Variants in TTPAL observed in about 807,000 individuals in gnomAD.
TTPAL encodes the protein alpha tocopherol transfer protein like.
TTPAL carries 21 observed loss-of-function variants against 28.7 expected under a neutral mutation model. That is an observed-to-expected ratio of 0.73 (90% CI 0.52 to 1.06). The LOEUF (loss-of-function observed/expected upper bound fraction) is 1.06, where lower values mean the gene tolerates loss of function less well. Among genes scored for constraint, TTPAL ranks in the 50% least tolerant of loss-of-function variants. The pLI is 0.00. For synonymous variants in TTPAL, 169 were observed against 171.9 expected (o/e 0.98, Z 0.13); for missense variants, 345 against 425.5 (o/e 0.81, Z 1.67).
In TTPAL at chr20:44,489,456, C is replaced by T. The variant is rs144723139; in HGVS notation, c.944C>T (p.Thr315Met). The change falls in exon 5 of 5, where the codon ACG becomes ATG. Residue 315 changes from threonine (T) to methionine (M), a missense_variant. Coordinates refer to ENST00000262605, the MANE Select transcript of TTPAL (RefSeq NM_001039199.3). ...VPACDSILGQ[T>M]LLPEGLTSDA... The stretch of plus-strand genomic sequence containing the variant: ...GCCTGTGACAGCATCCTGGGCCAGA[C>T]GCTGCTGCCCGAGGGCCTGACCTCA... The T allele has an allele frequency of 2.9e-5, 47 of 1,614,094 alleles. No homozygotes were observed. Among genetic ancestry groups the T allele is most frequent in the Admixed American group, 5.0e-5 (3 of 60,004 alleles).
At chr20:44,479,467 C>G (rs1020303433) in intron 1 of TTPAL, among the ~76,000 whole-genome samples, 1 of 127,598 alleles carries the variant, frequency 7.8e-6, no homozygotes, top group Non-Finnish European at 1.6e-5. Context: ...AGCGCCATCT[C>G]GGCTCACTGC....
At chr20:44,479,048 CA>C (rs954096305) in intron 1 of TTPAL, among the ~76,000 whole-genome samples, 16 of 152,226 alleles carry the variant, frequency 1.1e-4, no homozygotes, top group African/African-American at 3.6e-4. Flanking sequence ...CTCGGCCTCC[CA>C]AAATGCTGGG....
chr20:44,491,745 G>C lies in TTPAL; in HGVS notation c.*2204G>C. 6.6e-6 allele frequency: 1 copy of C among 152,376 alleles called. No homozygotes were observed. Among genetic ancestry groups the C allele is most frequent in the East Asian group, 1.9e-4 (1 of 5,320 alleles). 9.4% of individuals were successfully genotyped at this position (152,376 alleles called of 1,614,324 possible). On this transcript the variant is annotated 3_prime_UTR_variant, in exon 5 of 5. Coordinates refer to ENST00000262605, the MANE Select transcript of TTPAL (RefSeq NM_001039199.3). Reference sequence around the variant, plus strand: ...TGGGATGGCTGAAGGAGGGAAGGAGGGGGTTCAGAACCCACTGGCCTGGAT... The same window carrying C: ...TGGGATGGCTGAAGGAGGGAAGGAGCGGGTTCAGAACCCACTGGCCTGGAT...
rs1253453237 is a variant in TTPAL, at chr20:44,489,917, C to T, written c.*376C>T. The T allele has an allele frequency of 9.5e-6, 2 of 211,352 alleles. No individual in the cohort carries two copies. The highest frequency in any genetic ancestry group is 4.6e-5 in the African/African-American group (2 of 43,408). 13.1% of individuals were successfully genotyped at this position (211,352 alleles called of 1,614,324 possible). A position where few individuals can be genotyped will look rare whatever the true frequency, so the allele number is the denominator to read the frequency against. The stretch of plus-strand genomic sequence containing the variant: ...GATCCCACTTTTCCAGGAGAAAAAC[C>T]ACCTGTTTGGCCAGTGAGAACTACT... On this transcript the variant is annotated 3_prime_UTR_variant, in exon 5 of 5. Coordinates refer to ENST00000262605, the MANE Select transcript of TTPAL (RefSeq NM_001039199.3).
intron 1 of TTPAL, among the ~76,000 whole-genome samples, chr20:44,477,368 T>C (rs2064053663): frequency 6.6e-6 from 1 of 152,206 alleles, no homozygotes; most frequent in African/African-American, 2.4e-5. Flanking sequence ...AACACCATGT[T>C]AGGCGCTGGG....
At position 44,480,314 on chromosome 20, in the gene TTPAL, T is replaced by C. The variant is rs763831098; in HGVS notation, c.315T>C (p.Cys105=). ...AGCTCCTCGTCAACTACCACAGCTG[T>C]AGAAGAAGCTGGCCCGAAGTCTTCA... The part of the protein sequence containing the change: ...ALQLLVNYHS[C]RRSWPEVFNN... The change falls in exon 2 of 5, where the codon TGT becomes TGC. Residue 105 remains cysteine (C), a synonymous_variant. Coordinates refer to ENST00000262605, the MANE Select transcript of TTPAL (RefSeq NM_001039199.3). This position sits in a 1 kb window ranked among gnomAD's most constrained non-coding sequence, Gnocchi z 4.1. 1.2e-6 allele frequency: 2 copies of C among 1,614,182 alleles called. No individual in the cohort carries two copies. Among genetic ancestry groups the C allele is most frequent in the South Asian group, 2.2e-5 (2 of 91,086 alleles).
chr20:44,489,668 CTGAGATATGAGCA>C lies in TTPAL; in HGVS notation c.*132_*144del, dbSNP rs2122948055. 9.2e-7 allele frequency: 1 copy of C among 1,085,598 alleles called. No individual in the cohort carries two copies. The highest frequency in any genetic ancestry group is 1.7e-5 in the South Asian group (1 of 60,036). 67.2% of individuals were successfully genotyped at this position (1,085,598 alleles called of 1,614,324 possible). On this transcript the variant is annotated 3_prime_UTR_variant, in exon 5 of 5. Transcript: ENST00000262605. The stretch of plus-strand genomic sequence containing the variant: ...TTAAACTGCAGGATGGAGGAACAGC[CTGAGATATGAGCA>C]TGAGCCCATTTTGGGGTAAGCCTTT...
At position 44,480,832 on chromosome 20, in the gene TTPAL, C is replaced by G. The variant is rs1395591387; in HGVS notation, c.445+388C>G. Among the ~76,000 whole-genome samples, 5 of 152,236 alleles carry G rather than the reference C, an allele frequency of 3.3e-5. No homozygotes were observed. The highest frequency in any genetic ancestry group is 3.3e-4 in the Admixed American group (5 of 15,276). ...TTTTCTGTGTATGGCTGTCCCGCTCCTGTGCACGTAGTTAAATCTGGCACC... is the reference window on the plus strand; with the variant it reads ...TTTTCTGTGTATGGCTGTCCCGCTCGTGTGCACGTAGTTAAATCTGGCACC... On this transcript the variant is annotated intron_variant, in intron 2 of 4. Coordinates refer to ENST00000262605, the MANE Select transcript of TTPAL (RefSeq NM_001039199.3). The surrounding 1 kb of genome is among the most constrained non-coding windows in gnomAD (Gnocchi z 4.1).
In TTPAL at chr20:44,492,154, T is replaced by C. The variant is rs1006210239; in HGVS notation, c.*2613T>C. 6.6e-6 allele frequency: 1 copy of C among 152,324 alleles called. No homozygotes were observed. The highest frequency in any genetic ancestry group is 1.5e-5 in the Non-Finnish European group (1 of 68,040). 9.4% of individuals were successfully genotyped at this position (152,324 alleles called of 1,614,324 possible). On this transcript the variant is annotated 3_prime_UTR_variant, in exon 5 of 5. Transcript: ENST00000262605. ...CCAAGCTGTGAAACCAAGACCTCCC[T>C]GCGTGAAAATCAAGGTGGTCTCCTT... is the stretch of plus-strand genomic sequence containing the variant.
At chr20:44,482,261 T>TA (rs2064112210) in intron 2 of TTPAL, among the ~76,000 whole-genome samples, 1 of 152,070 alleles carries the variant, frequency 6.6e-6, no homozygotes, top group Middle Eastern at 3.2e-3. Context: ...ATTTTGCACA[T>TA]ATCAGGTCAG....
intron 4 of TTPAL, among the ~76,000 whole-genome samples, chr20:44,487,543 C>A (rs2064163500): frequency 6.6e-6 from 1 of 152,262 alleles, no homozygotes; most frequent in East Asian, 1.9e-4. Flanking sequence ...ATATGTTGTC[C>A]CACTGTACAG....
chr20:44,489,225 C>T, intron 4 of TTPAL, 38 bp from the exon 5 acceptor site: 1 of 1,591,480 alleles, frequency 6.3e-7, no homozygotes, highest in Non-Finnish European at 8.6e-7. Flanking sequence ...TCCTGATTAA[C>T]CTAAGGACAT....
chr20:44,479,993 G>A lies in TTPAL; in HGVS notation c.-7G>A. ...GGCTTCTCTGTTGGCAGGGACCTTG[G>A]TAGCTAATGTCCGAAGAAAGTGACT... On this transcript the variant is annotated 5_prime_UTR_variant, in exon 2 of 5. Coordinates refer to ENST00000262605, the MANE Select transcript of TTPAL (RefSeq NM_001039199.3). 6.2e-7 allele frequency: 1 copy of A among 1,610,888 alleles called. No individual in the cohort carries two copies.
Position 44,489,558 on chromosome 20 carries a change from A to T in TTPAL, c.*17A>T, listed in dbSNP as rs763468112. On this transcript the variant is annotated 3_prime_UTR_variant, in exon 5 of 5. Transcript: ENST00000262605. ...TGCTACTAGCCCGTCCCCCAGGGTC[A>T]CCATCTTTAATTCTTTTCCTTCTTT... 6.2e-7 allele frequency: 1 copy of T among 1,604,654 alleles called. No homozygotes were observed. Among genetic ancestry groups the T allele is most frequent in the Non-Finnish European group, 8.5e-7 (1 of 1,174,542 alleles).
intron 4 of TTPAL, among the ~76,000 whole-genome samples, chr20:44,488,582 G>GT (rs1737201498): frequency 6.6e-6 from 1 of 151,954 alleles, no homozygotes; most frequent in Non-Finnish European, 1.5e-5. Context: ...AAAGTATAGC[G>GT]TGTGTGAGGT....
At position 44,486,681 on chromosome 20, in the gene TTPAL, T is replaced by G. The variant is rs1296739924; in HGVS notation, c.725T>G (p.Phe242Cys). 1.9e-6 allele frequency: 3 copies of G among 1,609,318 alleles called. No homozygotes were observed. Among genetic ancestry groups the G allele is most frequent in the African/African-American group, 1.3e-5 (1 of 74,790 alleles). The change falls in exon 4 of 5, where the codon TTT (phenylalanine) becomes TGT (cysteine). Residue 242 changes from phenylalanine to cysteine, a missense_variant. By Grantham distance (205) the Phe-to-Cys change is radical. Coordinates refer to ENST00000262605, the MANE Select transcript of TTPAL (RefSeq NM_001039199.3). ...GGCATTTTTGCCATCATAAAACCAT[T>G]TCTAAAGGAGAAAATAGCAAACAGA... is the stretch of plus-strand genomic sequence containing the variant. ...FKGIFAIIKPFLKEKIANRFF... is the reference protein window; with the variant it reads ...FKGIFAIIKPCLKEKIANRFF...
intron 2 of TTPAL, among the ~76,000 whole-genome samples, chr20:44,481,725 A>G (rs747715422): frequency 1.3e-5 from 2 of 152,164 alleles, no homozygotes; most frequent in Non-Finnish European, 2.9e-5. Flanking sequence ...TCATTCCCCA[A>G]ACTCTCTTTG....
intron 2 of TTPAL, among the ~76,000 whole-genome samples, chr20:44,482,832 C>T (rs944967440): frequency 6.6e-6 from 1 of 151,928 alleles, no homozygotes; most frequent in Non-Finnish European, 1.5e-5. Flanking sequence ...CCTTACAATA[C>T]CTCCGTCAAG....
intron 4 of TTPAL, among the ~76,000 whole-genome samples, chr20:44,488,855 G>C (rs899131667): frequency 6.6e-6 from 1 of 152,188 alleles, no homozygotes; most frequent in Non-Finnish European, 1.5e-5. Flanking sequence ...AGAGTCTGAG[G>C]TGGGAGTGCT....
Sources: gnomAD v4.1 joint callset for allele counts (sites outside exome capture counted in the v4.1 genomes callset) on GRCh38, gnomAD v4.1.1 for gene constraint, Gnocchi (gnomAD v3.1) non-coding constraint, MANE v1.5 for transcripts, NCBI Gene and HGNC (gene_info 2026-07-23, HGNC 2026-07-21) for gene names.